The following CFAP69 variants were observed in gnomAD, a reference collection of about 807,000 sequenced individuals.
The protein encoded by CFAP69 is cilia- and flagella-associated protein 69.
CFAP69 carries 92 observed loss-of-function variants against 123.0 expected under a neutral mutation model. That is an observed-to-expected ratio of 0.75 (90% CI 0.63 to 0.89). The LOEUF is 0.89. Ranked by LOEUF, CFAP69 falls within the 40% of genes least tolerant of loss-of-function variation. The probability of loss-of-function intolerance (pLI) is 0.00; values close to 1 mark genes in which losing one functional copy is unlikely to be tolerated. For synonymous variants in CFAP69, 380 were observed against 364.3 expected (o/e 1.04, Z -0.49); for missense variants, 1,067 against 1,096.9 (o/e 0.97, Z 0.39).
At chr7:90,307,177 G>C in intron 20 of CFAP69, 79 bp downstream of exon 20, 1 of 972,870 alleles carries the variant, frequency 1.0e-6, no homozygotes, top group Non-Finnish European at 1.6e-6. Context: ...GATAGAATAA[G>C]TTCTGTTGTT....
Position 90,303,980 on chromosome 7 carries a change from C to A in CFAP69, c.2062C>A (p.Pro688Thr), listed in dbSNP as rs780775346. The change falls in exon 18 of 23, where the codon CCT (proline) becomes ACT (threonine). Residue 688 changes from proline to threonine, a missense_variant. Pro to Thr is a conservative substitution (Grantham distance 38). Coordinates refer to ENST00000389297, the MANE Select transcript of CFAP69 (RefSeq NM_001039706.3). ...TATCCAATGATTAGATACAAAAAAACCTCTATTTACTAGCTTTCAAGAAGA... is the reference window on the plus strand; with the variant it reads ...TATCCAATGATTAGATACAAAAAAAACTCTATTTACTAGCTTTCAAGAAGA... Reference protein sequence around the residue: ...KNGKIIDTKKPLFTSFQEEQK... With the variant: ...KNGKIIDTKKTLFTSFQEEQK... 2.6e-6 allele frequency: 4 copies of A among 1,548,250 alleles called. No homozygotes were observed. The highest frequency in any genetic ancestry group is 3.5e-6 in the Non-Finnish European group (4 of 1,145,196).
chr7:90,245,462 A>C lies in CFAP69; in HGVS notation c.38A>C (p.Gln13Pro), dbSNP rs938877795. ...TEEAGATAEAQESGIRNKSSS... is the reference protein window; with the variant it reads ...TEEAGATAEAPESGIRNKSSS... ...GAAGCCGGGGCGACCGCCGAGGCCC[A>C]GGAATCCGGCATCAGGAACAAGTCT... The change falls in exon 1 of 23, where the codon CAG becomes CCG. Residue 13 changes from glutamine to proline, a missense_variant. Transcript: ENST00000389297. 5.1e-6 allele frequency: 8 copies of C among 1,555,016 alleles called. No homozygotes were observed. Among genetic ancestry groups the C allele is most frequent in the Non-Finnish European group, 6.9e-6 (8 of 1,154,086 alleles).
intron 12 of CFAP69, 66 bp from the exon 13 acceptor site, chr7:90,282,826 A>C: frequency 8.0e-7 from 1 of 1,244,414 alleles, no homozygotes; most frequent in Non-Finnish European, 1.1e-6. Context: ...ATAGATGTAT[A>C]AGATATCTGA....
intron 16 of CFAP69, among the ~76,000 whole-genome samples, chr7:90,299,477 A>C (rs1277519501): frequency 6.6e-6 from 1 of 152,128 alleles, no homozygotes; most frequent in African/African-American, 2.4e-5. Context: ...ATGAATCTTT[A>C]CAAGCCTTAA....
intron 2 of CFAP69, among the ~76,000 whole-genome samples, chr7:90,256,690 TTA>T (rs1161322959): frequency 1.3e-5 from 2 of 152,222 alleles, no homozygotes; most frequent in Non-Finnish European, 2.9e-5. Flanking sequence ...TTGGAATAAT[TTA>T]TCTTTTTCTG....
intron 22 of CFAP69, among the ~76,000 whole-genome samples, chr7:90,309,750 C>T (rs1472159891): frequency 6.6e-6 from 1 of 152,128 alleles, no homozygotes; most frequent in Non-Finnish European, 1.5e-5. Flanking sequence ...CACTAGTCAG[C>T]TTATAATTGT....
chr7:90,256,007 A>C (rs377039975), intron 2 of CFAP69, among the ~76,000 whole-genome samples: 39 of 152,330 alleles, frequency 2.6e-4, no homozygotes, highest in African/African-American at 8.7e-4. Flanking sequence ...ACACATGCTC[A>C]TATACCACCT....
intron 21 of CFAP69, 52 bp from the exon 22 acceptor site, chr7:90,309,211 A>T: frequency 1.2e-6 from 1 of 868,666 alleles, no homozygotes; most frequent in Middle Eastern, 2.4e-4. Flanking sequence ...AAGTACCATC[A>T]TTACTGATTT....
the CFAP69 span, among the ~76,000 whole-genome samples, chr7:90,323,650 A>C: frequency 2.0e-5 from 3 of 152,158 alleles, no homozygotes; most frequent in East Asian, 5.8e-4. Flanking sequence ...GACAAGTAGA[A>C]AGTAAATTTA....
chr7:90,320,859 T>G, the CFAP69 span: 1 of 152,248 alleles, frequency 6.6e-6, no homozygotes, highest in Non-Finnish European at 1.5e-5. Flanking sequence ...TCAGAGGGAA[T>G]TTCTTCCCCC....
In CFAP69 at chr7:90,305,185, A is replaced by G. The variant is rs192927950; in HGVS notation, c.2265+365A>G. Among the ~76,000 whole-genome samples the G allele has an allele frequency of 8.0e-3, 1,219 of 151,902 alleles. 13 individuals carry two copies. The highest frequency in any genetic ancestry group is 0.028 in the African/African-American group (1,142 of 41,470). ...GTGAAACCCTGTCTCTACTAAAAAT[A>G]CAAAAATTAGCTGGATGTGGTGGCG... On this transcript the variant is annotated intron_variant, in intron 19 of 22. Coordinates refer to ENST00000389297, the MANE Select transcript of CFAP69 (RefSeq NM_001039706.3).
the CFAP69 span, among the ~76,000 whole-genome samples, chr7:90,322,755 T>C: frequency 1.3e-5 from 2 of 152,174 alleles, no homozygotes; most frequent in African/African-American, 4.8e-5. Flanking sequence ...TAAAGAATAT[T>C]CTAATATTAG....
chr7:90,301,491 A>G (rs907076865), intron 17 of CFAP69: 3 of 151,850 alleles, frequency 2.0e-5, no homozygotes, highest in African/African-American at 4.8e-5. Context: ...ACTCTCTACC[A>G]TCTAATAGGC....
At chr7:90,264,673 G>GT (rs944588229) in intron 4 of CFAP69, among the ~76,000 whole-genome samples, 1 of 151,912 alleles carries the variant, frequency 6.6e-6, no homozygotes, top group Admixed American at 6.6e-5. Context: ...GGGTTCCTAA[G>GT]TTTTTTTATT....
intron 17 of CFAP69, 160 bp from the exon 18 acceptor site, chr7:90,303,809 A>C: frequency 8.3e-7 from 1 of 1,203,572 alleles, no homozygotes; most frequent in Non-Finnish European, 1.0e-6. Context: ...ATAGCTGCTT[A>C]ATTATTATTT....
At chr7:90,297,709 A>G (rs1273521804) in intron 15 of CFAP69, 40 bp from the exon 16 acceptor site, 2 of 1,288,214 alleles carry the variant, frequency 1.6e-6, no homozygotes, top group Non-Finnish European at 2.2e-6. Context: ...CAGTTTAACA[A>G]TAAATGTTTG....
chr7:90,266,558 A>G (rs933597740), intron 5 of CFAP69, among the ~76,000 whole-genome samples: 1 of 152,288 alleles, frequency 6.6e-6, no homozygotes, highest in South Asian at 2.1e-4. Flanking sequence ...GAGTGTTGAC[A>G]GTCACTTGTA....
chr7:90,296,752 C>G (rs968308093), intron 15 of CFAP69, among the ~76,000 whole-genome samples: 3 of 152,020 alleles, frequency 2.0e-5, no homozygotes, highest in Non-Finnish European at 2.9e-5. Flanking sequence ...TGGTTTGATT[C>G]GGAAAGGAAA....
intron 6 of CFAP69, 130 bp from the exon 7 acceptor site, chr7:90,271,396 G>T: frequency 3.2e-6 from 3 of 940,110 alleles, no homozygotes; most frequent in African/African-American, 1.7e-5. Context: ...CCTATGCTGC[G>T]CAATTTTTAA....
Sources: gnomAD v4.1 joint callset for allele counts (sites outside exome capture counted in the v4.1 genomes callset) on GRCh38, gnomAD v4.1.1 for gene constraint, MANE v1.5 for transcripts, NCBI Gene and HGNC (gene_info 2026-07-23, HGNC 2026-07-21) for gene names.